Variants in PBX4 observed in about 807,000 individuals in gnomAD.
The protein encoded by PBX4 is pre-B-cell leukemia transcription factor 4.
A neutral mutation model predicts 35.1 loss-of-function variants in PBX4; 26 were observed. The ratio of observed to expected loss-of-function variants is 0.74; its 90% CI spans 0.54 to 1.03. The LOEUF is 1.03. Among genes scored for constraint, PBX4 ranks in the 50% least tolerant of loss-of-function variants. The probability of loss-of-function intolerance (pLI) is 0.00; values close to 1 mark genes in which losing one functional copy is unlikely to be tolerated. For missense variants in PBX4, 448 were observed against 504.3 expected, an observed-to-expected ratio of 0.89 and a Z score of 1.07; for synonymous variants, 199 against 204.2, an observed-to-expected ratio of 0.97 and a Z score of 0.22.
chr19:19,603,951 C>CAAAAAA (rs575405663), intron 1 of PBX4, among the ~76,000 whole-genome samples: 4 of 95,658 alleles, frequency 4.2e-5, no homozygotes, highest in Non-Finnish European at 6.4e-5. Flanking sequence ...GACTCCATCT[C>CAAAAAA]AAAAAAAAAA....
At chr19:19,613,445 CAAAAAAAAA>C (rs57256131) in intron 1 of PBX4, among the ~76,000 whole-genome samples, 39 of 113,622 alleles carry the variant, frequency 3.4e-4, no homozygotes, top group Admixed American at 1.5e-3. Flanking sequence ...GACTCTGTCT[CAAAAAAAAA>C]AAAAAAAAAA....
intron 5 of PBX4, among the ~76,000 whole-genome samples, chr19:19,568,236 T>TCCCTCAGGGAGCTCACACTCCATCTGTAA (rs2061356514): frequency 7.2e-6 from 1 of 139,424 alleles, no homozygotes; most frequent in Non-Finnish European, 1.5e-5. Context: ...TCCATCTGTA[T>TCCCTCAGGGAGCTCACACTCCATCTGTAA]CCCTCAGGGA....
chr19:19,566,871 G>A (rs1479402158), intron 5 of PBX4, among the ~76,000 whole-genome samples: 1 of 152,022 alleles, frequency 6.6e-6, no homozygotes, highest in Non-Finnish European at 1.5e-5. Flanking sequence ...CACCAAGCCT[G>A]GCTAATTTTT....
intron 2 of PBX4, among the ~76,000 whole-genome samples, chr19:19,596,911 CAAAAA>C (rs57080281): frequency 1.0e-5 from 1 of 96,852 alleles, no homozygotes; most frequent in Non-Finnish European, 2.0e-5. Flanking sequence ...ACCCTGTCTC[CAAAAA>C]AAAAAAAAAA....
chr19:19,564,894 A>T, intron 6 of PBX4, 39 bp downstream of exon 6: 2 of 1,613,690 alleles, frequency 1.2e-6, no homozygotes. Context: ...GGCCGTCCAC[A>T]TGGGTACAGA....
intron 1 of PBX4, among the ~76,000 whole-genome samples, chr19:19,600,816 CAAAA>C (rs35643130): frequency 7.9e-5 from 7 of 88,714 alleles, no homozygotes; most frequent in Non-Finnish European, 1.1e-4. Flanking sequence ...GACTCCATCT[CAAAA>C]AAAAAAAAAA....
chr19:19,563,707 T>A lies in PBX4; in HGVS notation c.926-92A>T. The stretch of plus-strand genomic sequence containing the variant: ...CTCAGCCGGCAGGAGGCCTCGAATG[T>A]GGCTCCTGCCCCTCCTCAGCATCCG... On this transcript the variant is annotated intron_variant, in intron 6 of 7. Transcript: ENST00000251203. This position sits in a 1 kb window ranked among gnomAD's most constrained non-coding sequence, Gnocchi z 5.1. 9.2e-7 allele frequency: 1 copy of A among 1,085,038 alleles called. No individual in the cohort carries two copies. Among genetic ancestry groups the A allele is most frequent in the Non-Finnish European group, 1.4e-6 (1 of 727,772 alleles). The allele number at this position is 1,085,038 out of a possible 1,614,324, so 67.2% of individuals were successfully genotyped here. A position where few individuals can be genotyped will look rare whatever the true frequency, so the allele number is the denominator to read the frequency against.
chr19:19,563,596 C>CTTCCA lies in PBX4; in HGVS notation c.944_945insTGGAA (p.Leu316GlyfsTer66), dbSNP rs2061321965. On this transcript the variant is annotated frameshift_variant, in exon 7 of 8. Transcript: ENST00000251203. LOFTEE classifies it high-confidence loss of function. The surrounding 1 kb of genome is among the most constrained non-coding windows in gnomAD (Gnocchi z 5.1). ...GGAAGGCGTCCCCAGCGCTGGGCAG[C>CTTCCA]GGGAAGGGTCCAGAGGAGCCTGGAA... is the stretch of plus-strand genomic sequence containing the variant. 6.5e-7 allele frequency: 1 copy of CTTCCA among 1,549,610 alleles called. No individual in the cohort carries two copies. The highest frequency in any genetic ancestry group is 8.7e-7 in the Non-Finnish European group (1 of 1,146,918).
At position 19,618,637 on chromosome 19, in the gene PBX4, A is replaced by C. The variant is rs2061701219; in HGVS notation, c.-8T>G. 8.2e-7 allele frequency: 1 copy of C among 1,220,336 alleles called. No homozygotes were observed. Among genetic ancestry groups the C allele is most frequent in the Non-Finnish European group, 1.0e-6 (1 of 979,058 alleles). 75.6% of individuals were successfully genotyped at this position (1,220,336 alleles called of 1,614,324 possible). A position where few individuals can be genotyped will look rare whatever the true frequency, so the allele number is the denominator to read the frequency against. On this transcript the variant is annotated 5_prime_UTR_variant, in exon 1 of 8. Coordinates refer to ENST00000251203, the MANE Select transcript of PBX4 (RefSeq NM_025245.3). Reference sequence around the variant, plus strand: ...GCGCGGCGGGGCGGCCATGAGCGGCAGGGCCGGGCGGGCGCTGTGAGGGTG... The same window carrying C: ...GCGCGGCGGGGCGGCCATGAGCGGCCGGGCCGGGCGGGCGCTGTGAGGGTG...
intron 2 of PBX4, among the ~76,000 whole-genome samples, chr19:19,573,330 TACACACACAC>T (rs397838081): frequency 0.027 from 3,558 of 133,368 alleles, 142 homozygotes; most frequent in African/African-American, 0.084. Flanking sequence ...AAAAAAAATA[TACACACACAC>T]ACACACACAC....
At chr19:19,565,843 G>A (rs895301665) in intron 5 of PBX4, among the ~76,000 whole-genome samples, 4 of 152,080 alleles carry the variant, frequency 2.6e-5, no homozygotes, top group Non-Finnish European at 5.9e-5. Flanking sequence ...ACTTGAACCT[G>A]GGAGGCAGAG....
intron 2 of PBX4, among the ~76,000 whole-genome samples, chr19:19,577,849 C>T (rs892596874): frequency 6.8e-5 from 10 of 146,182 alleles, no homozygotes; most frequent in Admixed American, 6.2e-4. Context: ...CAAAGGGAGA[C>T]TCCATCTAAA....
intron 2 of PBX4, among the ~76,000 whole-genome samples, chr19:19,597,995 T>C (rs1357839745): frequency 6.6e-6 from 1 of 152,190 alleles, no homozygotes; most frequent in Non-Finnish European, 1.5e-5. Flanking sequence ...ACAAAATGAC[T>C]GAGCGCTTCT....
At chr19:19,606,071 G>A (rs2061629462) in intron 1 of PBX4, among the ~76,000 whole-genome samples, 3 of 152,116 alleles carry the variant, frequency 2.0e-5, no homozygotes, top group Admixed American at 6.6e-5. Flanking sequence ...CTTCCCCAAG[G>A]GGATGAAATC....
intron 1 of PBX4, among the ~76,000 whole-genome samples, chr19:19,603,325 T>G (rs76331766): frequency 0.015 from 2,243 of 152,244 alleles, 77 homozygotes; most frequent in South Asian, 0.071. Flanking sequence ...CTTTTTTTTC[T>G]TTTTGAGACA....
rs376647012 is a variant in PBX4, at chr19:19,565,010, G to A, written c.848C>T (p.Thr283Met). Residue 283 changes from threonine (T) to methionine (M), a missense_variant, in exon 6 of 8, where the codon ACG (threonine) becomes ATG (methionine). By Grantham distance (81) the Thr-to-Met change is moderately conservative (BLOSUM62 -1). Transcript: ENST00000251203. ...CGTGGTATCCACAGCCGTTTTACCC[G>A]TGTAAATGGTAGCCTCTTCTTGAAA... ...GKFQEEATIY[T>M]GKTAVDTTEV... The A allele has an allele frequency of 6.2e-5, 100 of 1,614,088 alleles. No homozygotes were observed. Among genetic ancestry groups the A allele is most frequent in the African/African-American group, 3.3e-4 (25 of 74,928 alleles).
intron 1 of PBX4, among the ~76,000 whole-genome samples, chr19:19,615,688 T>C (rs2144800485): frequency 6.6e-6 from 1 of 152,272 alleles, no homozygotes; most frequent in Admixed American, 6.5e-5. Context: ...GGTCAGGAAT[T>C]TGTGACCAGC....
At chr19:19,609,021 T>G (rs918504537) in intron 1 of PBX4, among the ~76,000 whole-genome samples, 1 of 152,210 alleles carries the variant, frequency 6.6e-6, no homozygotes, top group Non-Finnish European at 1.5e-5. Context: ...TTTGCGAGAA[T>G]GTACTTTTAA....
At chr19:19,615,217 C>G (rs959321901) in intron 1 of PBX4, among the ~76,000 whole-genome samples, 1 of 146,370 alleles carries the variant, frequency 6.8e-6, no homozygotes, top group Non-Finnish European at 1.5e-5. Context: ...CGTGGTGGCA[C>G]AGGCCTGTGG....
Sources: gnomAD v4.1 joint callset for allele counts (sites outside exome capture counted in the v4.1 genomes callset) on GRCh38, gnomAD v4.1.1 for gene constraint, Gnocchi (gnomAD v3.1) non-coding constraint, MANE v1.5 for transcripts, NCBI Gene and HGNC (gene_info 2026-07-23, HGNC 2026-07-21) for gene names.